CAST: variants seen among roughly 807,000 people sequenced by gnomAD.
CAST encodes the protein calpastatin.
CAST carries 76 observed loss-of-function variants against 119.6 expected under a neutral mutation model. That is an observed-to-expected ratio of 0.64 (90% CI 0.53 to 0.77). The LOEUF is 0.77. CAST is among the 30% of genes least tolerant of loss of function. The pLI is 0.00. For synonymous variants in CAST, 319 were observed against 331.6 expected (o/e 0.96, Z 0.41); for missense variants, 953 against 946.5 (o/e 1.01, Z -0.09).
chr5:95,984,511 T>C, the CAST span, among the ~76,000 whole-genome samples: 1 of 152,148 alleles, frequency 6.6e-6, no homozygotes, highest in African/African-American at 2.4e-5. Flanking sequence ...GAAGACCAAA[T>C]CTACTACAGG....
At chr5:96,169,628 G>T in the CAST span, among the ~76,000 whole-genome samples, 1 of 152,166 alleles carries the variant, frequency 6.6e-6, no homozygotes, top group East Asian at 1.9e-4. Context: ...CTGTGGGATG[G>T]GATATTGGCG....
the CAST span, among the ~76,000 whole-genome samples, chr5:96,257,900 C>T: frequency 6.6e-6 from 1 of 152,146 alleles, no homozygotes; most frequent in Admixed American, 6.5e-5. Flanking sequence ...ACTAAACATA[C>T]TAAAAACTCT....
chr5:96,529,162 C>T (rs1305519718), upstream of CAST, among the ~76,000 whole-genome samples: 2 of 152,152 alleles, frequency 1.3e-5, no homozygotes. Flanking sequence ...TCATTTTAAG[C>T]TGAGTATTTG....
At chr5:96,640,726 A>G (rs1747939951) in intron 1 of CAST, among the ~76,000 whole-genome samples, 1 of 152,166 alleles carries the variant, frequency 6.6e-6, no homozygotes, top group Non-Finnish European at 1.5e-5. Flanking sequence ...AGGGTTCAGG[A>G]GACAGGGGAG....
chr5:96,322,268 G>A, the CAST span, among the ~76,000 whole-genome samples: 87 of 152,238 alleles, frequency 5.7e-4, 1 homozygote, highest in African/African-American at 2.0e-3. Flanking sequence ...TGCTTGGTTG[G>A]CCCTGAGGGT....
the CAST span, among the ~76,000 whole-genome samples, chr5:96,016,281 C>T: frequency 1.3e-5 from 2 of 152,240 alleles, no homozygotes; most frequent in Non-Finnish European, 2.9e-5. Context: ...ATGAGTGATA[C>T]ATTCGTCTAA....
chr5:96,606,023 G>A (rs1004627917), intron 1 of CAST, among the ~76,000 whole-genome samples: 1 of 152,210 alleles, frequency 6.6e-6, no homozygotes, highest in African/African-American at 2.4e-5. Context: ...CAAATATGGA[G>A]TTCACTCTGC....
chr5:96,457,526 A>G, the CAST span, among the ~76,000 whole-genome samples: 2 of 151,990 alleles, frequency 1.3e-5, no homozygotes, highest in Non-Finnish European at 2.9e-5. Context: ...GTTCCACCTC[A>G]CCTATGTTGC....
At chr5:96,619,359 G>T (rs1382629251) in intron 1 of CAST, among the ~76,000 whole-genome samples, 1 of 152,160 alleles carries the variant, frequency 6.6e-6, no homozygotes, top group South Asian at 2.1e-4. Context: ...TCAGCACCCT[G>T]TCAAAATGGA....
the CAST span, among the ~76,000 whole-genome samples, chr5:96,068,327 T>C: frequency 0.63 from 95,343 of 151,768 alleles, 30,168 homozygotes; most frequent in African/African-American, 0.67. Context: ...CTGTCTTGGG[T>C]CTTGTCTAGG....
In CAST at chr5:96,737,831, C is replaced by T. The variant is rs780224377; in HGVS notation, c.700-18C>T. 8.3e-6 allele frequency: 11 copies of T among 1,331,312 alleles called. No homozygotes were observed. Among genetic ancestry groups the T allele is most frequent in the South Asian group, 2.5e-5 (2 of 81,578 alleles). The allele number at this position is 1,331,312 out of a possible 1,614,324, so 82.5% of individuals were successfully genotyped here. A position where few individuals can be genotyped will look rare whatever the true frequency, so the allele number is the denominator to read the frequency against. On this transcript the variant is annotated intron_variant, in intron 10 of 31. Transcript: ENST00000675179. ...TGTATAACAAATAACATTTAAATAT[C>T]TGTTCTTTCTTTTCCAGTCAGGCAT...
the CAST span, among the ~76,000 whole-genome samples, chr5:95,963,412 A>G: frequency 6.6e-6 from 1 of 152,206 alleles, no homozygotes; most frequent in Non-Finnish European, 1.5e-5. Context: ...ATTAAGTGTT[A>G]CTCCATCACA....
chr5:96,365,200 A>C, the CAST span, among the ~76,000 whole-genome samples: 1 of 152,058 alleles, frequency 6.6e-6, no homozygotes, highest in Non-Finnish European at 1.5e-5. Flanking sequence ...AGTTTGTTAT[A>C]ATTTCTGTTC....
chr5:96,441,707 C>T, the CAST span, among the ~76,000 whole-genome samples: 3 of 152,074 alleles, frequency 2.0e-5, no homozygotes, highest in Non-Finnish European at 4.4e-5. Flanking sequence ...GGCATTAGTA[C>T]GTTTGACATT....
At chr5:96,167,745 C>G in the CAST span, among the ~76,000 whole-genome samples, 3 of 152,190 alleles carry the variant, frequency 2.0e-5, no homozygotes, top group Admixed American at 6.5e-5. Flanking sequence ...TTCTCAGACC[C>G]TGTGGGAAAG....
intron 1 of CAST, among the ~76,000 whole-genome samples, chr5:96,576,157 ATTG>A (rs1237169137): frequency 1.3e-5 from 2 of 151,976 alleles, no homozygotes; most frequent in African/African-American, 4.8e-5. Context: ...CATAACAGAT[ATTG>A]TTCTGTTGTT....
At chr5:96,091,325 C>T in the CAST span, among the ~76,000 whole-genome samples, 1 of 151,628 alleles carries the variant, frequency 6.6e-6, no homozygotes, top group African/African-American at 2.4e-5. Flanking sequence ...GCCTCAGCCT[C>T]CTGAGTAGCT....
chr5:96,242,384 G>A, the CAST span, among the ~76,000 whole-genome samples: 1 of 152,158 alleles, frequency 6.6e-6, no homozygotes, highest in Non-Finnish European at 1.5e-5. Flanking sequence ...TCCCACCTCA[G>A]CCTCCCAAAG....
intron 3 of CAST, among the ~76,000 whole-genome samples, chr5:96,712,355 G>T (rs1287812505): frequency 6.6e-6 from 1 of 152,106 alleles, no homozygotes; most frequent in Non-Finnish European, 1.5e-5. Flanking sequence ...ACAGGCTCTT[G>T]GGGTCTTGCT....
Sources: gnomAD v4.1 joint callset for allele counts (sites outside exome capture counted in the v4.1 genomes callset) on GRCh38, gnomAD v4.1.1 for gene constraint, MANE v1.5 for transcripts, NCBI Gene and HGNC (gene_info 2026-07-23, HGNC 2026-07-21) for gene names.